The following PCDHGB1 variants were observed in gnomAD, a reference collection of about 807,000 sequenced individuals.
PCDHGB1 encodes the protein protocadherin gamma-B1.
PCDHGB1 carries 34 observed loss-of-function variants against 56.6 expected under a neutral mutation model. The observed-to-expected ratio is 0.60, with a 90% CI of 0.46 to 0.80. The LOEUF (loss-of-function observed/expected upper bound fraction) is 0.80, where lower values mean the gene tolerates loss of function less well. Ranked by LOEUF, PCDHGB1 falls within the 30% of genes least tolerant of loss-of-function variation. The pLI, the probability that PCDHGB1 is intolerant of heterozygous loss-of-function variation, is 0.00. For synonymous variants in PCDHGB1, 561 were observed against 505.9 expected (o/e 1.11, Z -1.46); for missense variants, 1,278 against 1,204.6 (o/e 1.06, Z -0.90).
intron 1 of PCDHGB1, chr5:141,398,280 C>T (rs1001902282): frequency 1.4e-5 from 19 of 1,405,808 alleles, no homozygotes; most frequent in Non-Finnish European, 1.8e-5. Context: ...GGAACCTCGC[C>T]ACGGACCTGG....
intron 1 of PCDHGB1, among the ~76,000 whole-genome samples, chr5:141,454,932 C>T (rs945154196): frequency 1.3e-5 from 2 of 150,768 alleles, no homozygotes; most frequent in African/African-American, 2.4e-5. Context: ...CTCAGCCTCC[C>T]GAGTAGCTGG....
rs1413324509 is a variant in PCDHGB1 at position 141,431,464 on chromosome 5, G to T, written c.2410-63343G>T. The T allele has an allele frequency of 6.2e-7, 1 of 1,613,782 alleles. No homozygotes were observed. The highest frequency in any genetic ancestry group is 2.2e-5 in the East Asian group (1 of 44,880). ...GCATCCGCGTGATGGTTCTGGATGC[G>T]AACGACAACGCACCAGCGTTTGCTC... On this transcript the variant is annotated intron_variant, in intron 1 of 3. Transcript: ENST00000523390. This position sits in a 1 kb window ranked among gnomAD's most constrained non-coding sequence, Gnocchi z 4.8.
rs147522770 is a variant in PCDHGB1, at chr5:141,504,573, C to T, written c.2469-820C>T. On this transcript the variant is annotated intron_variant, in intron 2 of 3. Coordinates refer to ENST00000523390, the MANE Select transcript of PCDHGB1 (RefSeq NM_018922.3). ...TGGGGGACTGGCATTCTAGGGAACA[C>T]CATCTGCCCAGGATTCACAGCAAGA... Among the ~76,000 whole-genome samples the T allele has an allele frequency of 5.4e-5, 8 of 148,158 alleles. No individual in the cohort carries two copies. In the East Asian group the frequency reaches 1.6e-3, roughly 30 times the overall value.
At chr5:141,399,645 A>C (rs762123604) in intron 1 of PCDHGB1, 8 of 1,613,676 alleles carry the variant, frequency 5.0e-6, no homozygotes, top group Admixed American at 1.7e-5. Flanking sequence ...TGAGCGCGCA[A>C]AGTGGGGTGG....
At chr5:141,488,620 C>A (rs1271344928) in intron 1 of PCDHGB1, among the ~76,000 whole-genome samples, 1 of 152,164 alleles carries the variant, frequency 6.6e-6, no homozygotes, top group East Asian at 1.9e-4. Context: ...CTAATCTTTT[C>A]TCTCACCTTA....
Position 141,487,892 on chromosome 5 carries a change from T to A in PCDHGB1, c.2410-6915T>A. On this transcript the variant is annotated intron_variant, in intron 1 of 3. Coordinates refer to ENST00000523390, the MANE Select transcript of PCDHGB1 (RefSeq NM_018922.3). The surrounding 1 kb of genome is among the most constrained non-coding windows in gnomAD (Gnocchi z 5.0). The stretch of plus-strand genomic sequence containing the variant: ...GAGCCAGGCTGTTGTGGAAGCATGA[T>A]GATGGAATGTGGGAGCACAGGAGGC... 1 of 731,410 alleles carries A rather than the reference T, an allele frequency of 1.4e-6. No homozygotes were observed. Among genetic ancestry groups the A allele is most frequent in the South Asian group, 1.8e-5 (1 of 54,120 alleles). The allele number at this position is 731,410 out of a possible 1,614,324, so 45.3% of individuals were successfully genotyped here. A position where few individuals can be genotyped will look rare whatever the true frequency, so the allele number is the denominator to read the frequency against.
intron 1 of PCDHGB1, among the ~76,000 whole-genome samples, chr5:141,396,846 C>T (rs2093443938): frequency 6.6e-6 from 1 of 152,166 alleles, no homozygotes; most frequent in Admixed American, 6.5e-5. Flanking sequence ...TGGGAGTTAA[C>T]TTCATAGTTT....
chr5:141,507,012 G>A (rs2099857902), intron 3 of PCDHGB1: 1 of 152,208 alleles, frequency 6.6e-6, no homozygotes, highest in Admixed American at 6.5e-5. Flanking sequence ...AGAGAACCGA[G>A]AAGGCACTTG....
chr5:141,502,516 A>G (rs947349505), intron 2 of PCDHGB1, among the ~76,000 whole-genome samples: 1 of 152,146 alleles, frequency 6.6e-6, no homozygotes, highest in African/African-American at 2.4e-5. Flanking sequence ...TCCCACTATC[A>G]GTGATGCCGA....
chr5:141,485,995 T>G lies in PCDHGB1; in HGVS notation c.2410-8812T>G. 1 of 1,614,176 alleles carries G rather than the reference T, an allele frequency of 6.2e-7. No individual in the cohort carries two copies. On this transcript the variant is annotated intron_variant, in intron 1 of 3. Transcript: ENST00000523390. The surrounding 1 kb of genome is among the most constrained non-coding windows in gnomAD (Gnocchi z 5.7). ...CCTCAGACCCGGACCTGGGTCCCAG[T>G]GGTAACGTCACCTTTTATTTCAGTG...
In PCDHGB1 at chr5:141,430,991, A is replaced by G. The variant is rs2097333608; in HGVS notation, c.2410-63816A>G. 2.5e-6 allele frequency: 4 copies of G among 1,613,862 alleles called. No individual in the cohort carries two copies. In the East Asian group the frequency reaches 8.9e-5, roughly 36 times the overall value. ...AGGTAGGACGCAGCTTTTCGCCCTGAATCCGCGCAGCGGCAGCTTGGTCAC... is the reference window on the plus strand; with the variant it reads ...AGGTAGGACGCAGCTTTTCGCCCTGGATCCGCGCAGCGGCAGCTTGGTCAC... On this transcript the variant is annotated intron_variant, in intron 1 of 3. Coordinates refer to ENST00000523390, the MANE Select transcript of PCDHGB1 (RefSeq NM_018922.3).
chr5:141,429,390 A>T (rs556289214), intron 1 of PCDHGB1, among the ~76,000 whole-genome samples: 3,394 of 150,296 alleles, frequency 0.023, 54 homozygotes, highest in South Asian at 0.043. Context: ...TTTTTTTTAA[A>T]AAAAATTGAG....
intron 1 of PCDHGB1, among the ~76,000 whole-genome samples, chr5:141,454,261 A>T (rs183133499): frequency 1.3e-5 from 2 of 152,364 alleles, no homozygotes; most frequent in South Asian, 2.1e-4. Flanking sequence ...CAGAGAAAGT[A>T]ATGCCAGCAA....
rs2099624335 is a variant in PCDHGB1 at position 141,486,093 on chromosome 5, C to T, written c.2410-8714C>T. On this transcript the variant is annotated intron_variant, in intron 1 of 3. Coordinates refer to ENST00000523390, the MANE Select transcript of PCDHGB1 (RefSeq NM_018922.3). This position sits in a 1 kb window ranked among gnomAD's most constrained non-coding sequence, Gnocchi z 5.0. ...ACTGGAAAGCTTACTCTTTTGGGGC[C>T]CCTAGACTTTGAGAGTGAGAATTAC... 1 of 1,614,112 alleles carries T rather than the reference C, an allele frequency of 6.2e-7. No homozygotes were observed. The highest frequency in any genetic ancestry group is 8.5e-7 in the Non-Finnish European group (1 of 1,180,008).
intron 1 of PCDHGB1, chr5:141,400,327 G>A: frequency 6.2e-7 from 1 of 1,614,074 alleles, no homozygotes. Context: ...GTCTGGACCT[G>A]TGGTTCCCCC....
intron 1 of PCDHGB1, chr5:141,396,033 C>T (rs191318626): frequency 1.3e-5 from 2 of 152,280 alleles, no homozygotes; most frequent in East Asian, 3.9e-4. Context: ...TATGTAAGAA[C>T]ATATTTCAAT....
intron 1 of PCDHGB1, chr5:141,430,569 G>A (rs1252716330): frequency 4.5e-6 from 2 of 439,930 alleles, no homozygotes; most frequent in African/African-American, 4.1e-5. Flanking sequence ...GGAGAGAAAA[G>A]CGGAGATCCT....
chr5:141,505,418 A>T lies in PCDHGB1; in HGVS notation c.2494A>T (p.Thr832Ser). 1 of 1,614,186 alleles carries T rather than the reference A, an allele frequency of 6.2e-7. No homozygotes were observed. Among genetic ancestry groups the T allele is most frequent in the East Asian group, 2.2e-5 (1 of 44,876 alleles). The change falls in exon 3 of 4, where the codon ACC becomes TCC. Residue 832 changes from threonine to serine, a missense_variant. By Grantham distance (58) the Thr-to-Ser change is moderately conservative. Coordinates refer to ENST00000523390, the MANE Select transcript of PCDHGB1 (RefSeq NM_018922.3). ...SGSQNGDDTG[T>S]WPNNQFDTEM... ...CTCCCAAAATGGCGATGACACCGGC[A>T]CCTGGCCCAACAACCAGTTTGACAC...
At chr5:141,474,606 T>C (rs1156236978) in intron 1 of PCDHGB1, among the ~76,000 whole-genome samples, 1 of 152,242 alleles carries the variant, frequency 6.6e-6, no homozygotes, top group Non-Finnish European at 1.5e-5. Context: ...ATAGGTCACA[T>C]ATGGCTTTTC....
Sources: gnomAD v4.1 joint callset for allele counts (sites outside exome capture counted in the v4.1 genomes callset) on GRCh38, gnomAD v4.1.1 for gene constraint, Gnocchi (gnomAD v3.1) non-coding constraint, MANE v1.5 for transcripts, NCBI Gene and HGNC (gene_info 2026-07-23, HGNC 2026-07-21) for gene names.